The following IFT74 variants were observed in gnomAD, a reference collection of about 807,000 sequenced individuals.
The protein encoded by IFT74 is intraflagellar transport protein 74 homolog.
Under a neutral mutation model 96.7 loss-of-function variants are expected in IFT74, and 92 were observed. The observed-to-expected ratio is 0.95, with a 90% confidence interval of 0.80 to 1.13. The LOEUF is 1.13. Ranked by LOEUF, IFT74 falls within the 50% of genes most tolerant of loss-of-function variation. The probability of loss-of-function intolerance (pLI) is 0.00; values close to 1 mark genes in which losing one functional copy is unlikely to be tolerated. For missense variants in IFT74, 811 were observed against 698.2 expected (o/e 1.16, Z -1.82); for synonymous variants, 223 against 213.2 (o/e 1.05, Z -0.40).
chr9:26,990,212 T>C lies in IFT74; in HGVS notation c.587+17T>C, dbSNP rs760334809. 3.0e-5 allele frequency: 39 copies of C among 1,283,286 alleles called. No individual in the cohort carries two copies. The highest frequency in any genetic ancestry group is 2.0e-4 in the Middle Eastern group (1 of 5,088). 79.5% of individuals were successfully genotyped at this position (1,283,286 alleles called of 1,614,324 possible). ...AAGACAAGCGTAAGTATAGCTAATT[T>C]AAAAATTAGATTCATAAGTAAGCTT... is the stretch of plus-strand genomic sequence containing the variant. On this transcript the variant is annotated intron_variant, in intron 8 of 19. Transcript: ENST00000380062.
intron 1 of IFT74, among the ~76,000 whole-genome samples, chr9:26,960,294 C>A (rs1468982795): frequency 2.0e-5 from 3 of 151,968 alleles, no homozygotes; most frequent in African/African-American, 7.3e-5. Context: ...AGGACAGAAT[C>A]TTGGGCACTA....
chr9:27,035,708 A>G (rs1819143279), intron 13 of IFT74, among the ~76,000 whole-genome samples: 1 of 152,240 alleles, frequency 6.6e-6, no homozygotes, highest in African/African-American at 2.4e-5. Flanking sequence ...ACTCTGTTGG[A>G]ACAAACTTCT....
intron 8 of IFT74, chr9:26,997,782 A>G (rs771166668): frequency 2.5e-6 from 4 of 1,613,612 alleles, no homozygotes; most frequent in Non-Finnish European, 3.4e-6. Flanking sequence ...AGACTGCAAG[A>G]GCAGTTCCAT....
chr9:26,986,726 G>A (rs1050712211), intron 6 of IFT74, among the ~76,000 whole-genome samples: 6 of 152,114 alleles, frequency 3.9e-5, no homozygotes, highest in Non-Finnish European at 8.8e-5. Context: ...GGGCACAAGT[G>A]GTCTTCCTGC....
At chr9:26,986,847 T>C (rs1827661827) in intron 6 of IFT74, among the ~76,000 whole-genome samples, 1 of 152,098 alleles carries the variant, frequency 6.6e-6, no homozygotes, top group Non-Finnish European at 1.5e-5. Context: ...GGTCTTGAAC[T>C]CCTGGGCTCA....
chr9:27,023,385 T>C (rs1829706831), intron 12 of IFT74, among the ~76,000 whole-genome samples: 1 of 152,206 alleles, frequency 6.6e-6, no homozygotes, highest in Non-Finnish European at 1.5e-5. Flanking sequence ...CTGGATTTTG[T>C]CAAATGCTTT....
At chr9:26,969,356 T>C (rs1178936488) in intron 2 of IFT74, among the ~76,000 whole-genome samples, 1 of 152,028 alleles carries the variant, frequency 6.6e-6, no homozygotes, top group Non-Finnish European at 1.5e-5. Flanking sequence ...TTAAACTGTT[T>C]TTGATTTGAA....
chr9:26,999,990 C>T (rs1454343016), intron 8 of IFT74, among the ~76,000 whole-genome samples: 1 of 152,010 alleles, frequency 6.6e-6, no homozygotes, highest in Non-Finnish European at 1.5e-5. Context: ...AGCCTGGTAT[C>T]AAACTCCTGG....
chr9:26,979,084 C>A (rs1563946546), intron 3 of IFT74, among the ~76,000 whole-genome samples: 2 of 151,794 alleles, frequency 1.3e-5, no homozygotes, highest in Admixed American at 1.3e-4. Flanking sequence ...ACTGCTAGTA[C>A]AAAATTAATT....
At chr9:26,996,789 T>C (rs1189846052) in intron 8 of IFT74, among the ~76,000 whole-genome samples, 1 of 152,196 alleles carries the variant, frequency 6.6e-6, no homozygotes. Context: ...TCAGGCACAG[T>C]ATGGTTTGCA....
Position 27,062,734 on chromosome 9 carries a change from T to A in IFT74, c.1801T>A (p.Ter601ArgextTer2), listed in dbSNP as rs756629669. Residue 601 changes from the stop codon to arginine (R), a stop_lost, in exon 20 of 20, where the codon TGA (stop) becomes AGA (arginine). Coordinates refer to ENST00000380062, the MANE Select transcript of IFT74 (RefSeq NM_025103.4). Reference sequence around the variant, plus strand: ...TGCTTTACATAGCACCAGCGGAAACTGAGTTTAAGTCCACTGAAAGTCTCT... The same window carrying A: ...TGCTTTACATAGCACCAGCGGAAACAGAGTTTAAGTCCACTGAAAGTCTCT... ...VDALHSTSGN[*>R] is the part of the protein sequence containing the mutation. The A allele has an allele frequency of 3.5e-5, 53 of 1,511,568 alleles. No individual in the cohort carries two copies. Among genetic ancestry groups the A allele is most frequent in the Non-Finnish European group, 4.7e-5 (51 of 1,093,310 alleles). The allele number at this position is 1,511,568 out of a possible 1,614,324, so 93.6% of individuals were successfully genotyped here.
Position 26,984,563 on chromosome 9 carries a change from T to C in IFT74, c.465+4T>C. 2.5e-6 allele frequency: 4 copies of C among 1,601,298 alleles called. No individual in the cohort carries two copies. Among genetic ancestry groups the C allele is most frequent in the Non-Finnish European group, 3.4e-6 (4 of 1,170,646 alleles). ...ACAACTAGCAGACTACAACATGGTA[T>C]TTTATCTTTTCTAAGAGAATTTACT... On this transcript the variant is annotated splice_donor_region_variant and intron_variant, in intron 6 of 19. Coordinates refer to ENST00000380062, the MANE Select transcript of IFT74 (RefSeq NM_025103.4).
chr9:27,012,735 T>TTTTTAA lies in IFT74; in HGVS notation c.789+767_789+768insTTTTAA, dbSNP rs1432648656. ...TTTTTTTTTTTTTTTTTTTTTTTTT[T>TTTTTAA]AGACAGAGTATCGCTCTGTTGCCCA... On this transcript the variant is annotated intron_variant, in intron 10 of 19. Transcript: ENST00000380062. 1.7e-5 allele frequency among the ~76,000 whole-genome samples: 2 copies of TTTTTAA among 118,094 alleles called. 1 individual carries two copies. Among genetic ancestry groups the TTTTTAA allele is most frequent in the African/African-American group, 6.7e-5 (2 of 29,726 alleles). The allele number at this position is 118,094 out of a possible 152,430, so 77.5% of individuals were successfully genotyped here. A position where few individuals can be genotyped will look rare whatever the true frequency, so the allele number is the denominator to read the frequency against.
intron 8 of IFT74, among the ~76,000 whole-genome samples, chr9:27,005,429 T>C (rs12339723): frequency 0.027 from 3,756 of 137,200 alleles, 173 homozygotes; most frequent in African/African-American, 0.095. Flanking sequence ...TGGCCATGTC[T>C]CAGGTATATA....
rs1447051687 is a variant in IFT74 at position 27,010,284 on chromosome 9, C to T, written c.726+1126C>T. ...TATTACAGGCATGAGCCACCGCGCC[C>T]GGCCTTATGCTAGAAACATTTTGAA... On this transcript the variant is annotated intron_variant, in intron 9 of 19. Transcript: ENST00000380062. 2.6e-5 allele frequency among the ~76,000 whole-genome samples: 4 copies of T among 151,910 alleles called. No individual in the cohort carries two copies. The South Asian group carries it at 6.2e-4, about 24-fold the overall frequency.
chr9:27,026,949 C>A (rs1302070124), intron 12 of IFT74, among the ~76,000 whole-genome samples: 6 of 1,714 alleles, frequency 3.5e-3, no homozygotes, highest in Non-Finnish European at 7.8e-3. Flanking sequence ...CCCAAACCCA[C>A]CAAAAGAAAA....
chr9:26,993,440 A>C (rs1827978273), intron 8 of IFT74: 1 of 152,544 alleles, frequency 6.6e-6, no homozygotes, highest in Non-Finnish European at 1.5e-5. Context: ...TGTTGAAAAC[A>C]TGTGTCTGTA....
chr9:26,967,098 T>C (rs1340593600), intron 2 of IFT74, among the ~76,000 whole-genome samples: 1 of 151,980 alleles, frequency 6.6e-6, no homozygotes, highest in Non-Finnish European at 1.5e-5. Context: ...TATGGTTCTA[T>C]ATAAATTTTA....
intron 2 of IFT74, among the ~76,000 whole-genome samples, chr9:26,968,323 G>A (rs937275040): frequency 2.7e-5 from 4 of 150,772 alleles, no homozygotes; most frequent in South Asian, 2.1e-4. Context: ...GTGCAGTGAC[G>A]CAATCTCTGC....
Sources: gnomAD v4.1 joint callset for allele counts (sites outside exome capture counted in the v4.1 genomes callset) on GRCh38, gnomAD v4.1.1 for gene constraint, MANE v1.5 for transcripts, NCBI Gene and HGNC (gene_info 2026-07-23, HGNC 2026-07-21) for gene names.